STX8: variants seen among roughly 807,000 people sequenced by gnomAD.
The protein encoded by STX8 is syntaxin 8.
Under a neutral mutation model 37.5 loss-of-function variants are expected in STX8, and 23 were observed. That is an observed-to-expected ratio of 0.61 (90% CI 0.44 to 0.87). The LOEUF (loss-of-function observed/expected upper bound fraction) is 0.87, where lower values mean the gene tolerates loss of function less well. Among genes scored for constraint, STX8 ranks in the 40% least tolerant of loss-of-function variants. The pLI is 0.00. For synonymous variants in STX8, 115 were observed against 99.1 expected (o/e 1.16, Z -0.95); for missense variants, 313 against 284.7 (o/e 1.10, Z -0.71).
At chr17:9,383,365 A>G (rs1567805858) in intron 6 of STX8, among the ~76,000 whole-genome samples, 2 of 152,216 alleles carry the variant, frequency 1.3e-5, no homozygotes, top group Non-Finnish European at 2.9e-5. Context: ...AGACTCAAGG[A>G]GCTAATAGTA....
intron 7 of STX8, chr17:9,378,341 C>CA (rs1416104428): frequency 1.4e-5 from 7 of 483,864 alleles, no homozygotes; most frequent in Admixed American, 1.4e-4. Flanking sequence ...AAAACAACAA[C>CA]AAAAAAACAA....
chr17:9,521,346 C>T (rs1490401078), intron 4 of STX8, among the ~76,000 whole-genome samples: 2 of 152,166 alleles, frequency 1.3e-5, no homozygotes, highest in East Asian at 3.9e-4. Flanking sequence ...GATGAATAGA[C>T]TGGATATAGG....
At chr17:9,399,101 G>A (rs533239190) in intron 6 of STX8, among the ~76,000 whole-genome samples, 12 of 150,718 alleles carry the variant, frequency 8.0e-5, no homozygotes, top group African/African-American at 2.0e-4. Context: ...ATTCACATAC[G>A]GACAGAGAAA....
At chr17:9,453,312 C>G (rs1260282169) in intron 6 of STX8, among the ~76,000 whole-genome samples, 1 of 152,136 alleles carries the variant, frequency 6.6e-6, no homozygotes, top group Non-Finnish European at 1.5e-5. Flanking sequence ...ATAGTAATCT[C>G]ACCATCATTA....
chr17:9,295,913 A>G (rs572999612), intron 7 of STX8, among the ~76,000 whole-genome samples: 6 of 107,794 alleles, frequency 5.6e-5, no homozygotes, highest in South Asian at 4.9e-4. Flanking sequence ...AGGTGTGGCC[A>G]GGCGCAGTGG....
intron 4 of STX8, among the ~76,000 whole-genome samples, chr17:9,519,308 G>A (rs188936379): frequency 3.8e-4 from 57 of 151,968 alleles, no homozygotes; most frequent in African/African-American, 1.1e-3. Context: ...GCTTCTTCTC[G>A]TACGCTCTCT....
intron 4 of STX8, among the ~76,000 whole-genome samples, chr17:9,519,395 T>C (rs193249020): frequency 7.9e-5 from 12 of 151,846 alleles, no homozygotes; most frequent in Admixed American, 7.9e-4. Flanking sequence ...TCTAACCACA[T>C]CTCATCAACA....
intron 7 of STX8, among the ~76,000 whole-genome samples, chr17:9,338,010 T>G (rs1910192980): frequency 6.6e-6 from 1 of 151,020 alleles, no homozygotes; most frequent in South Asian, 2.1e-4. Context: ...CTGAGGAGTT[T>G]GGACTTTATT....
intron 6 of STX8, among the ~76,000 whole-genome samples, chr17:9,380,779 T>C (rs62067142): frequency 0.092 from 13,228 of 143,520 alleles, 806 homozygotes; most frequent in Middle Eastern, 0.19. Flanking sequence ...AGTGGTGTCA[T>C]AGCAGCTCAC....
At chr17:9,386,931 G>A (rs112985277) in intron 6 of STX8, among the ~76,000 whole-genome samples, 5,568 of 151,150 alleles carry the variant, frequency 0.037, 341 homozygotes, top group African/African-American at 0.13. Flanking sequence ...GTGCAGTGGC[G>A]CGATCTCAGC....
At chr17:9,265,521 G>A (rs1291015792) in intron 7 of STX8, among the ~76,000 whole-genome samples, 2 of 152,342 alleles carry the variant, frequency 1.3e-5, no homozygotes, top group South Asian at 2.1e-4. Context: ...CATTACTGGC[G>A]CTAGGCACTT....
At chr17:9,284,854 G>A (rs1015663687) in intron 7 of STX8, among the ~76,000 whole-genome samples, 1 of 152,118 alleles carries the variant, frequency 6.6e-6, no homozygotes, top group Non-Finnish European at 1.5e-5. Flanking sequence ...TCTAGGGGCC[G>A]AAACACGCAA....
At chr17:9,383,792 G>A (rs1186920270) in intron 6 of STX8, among the ~76,000 whole-genome samples, 1 of 151,950 alleles carries the variant, frequency 6.6e-6, no homozygotes, top group Non-Finnish European at 1.5e-5. Flanking sequence ...AATAGTAAAA[G>A]GCAATATATT....
intron 5 of STX8, among the ~76,000 whole-genome samples, chr17:9,497,302 A>T (rs561408576): frequency 1.3e-5 from 2 of 152,362 alleles, no homozygotes; most frequent in East Asian, 3.9e-4. Context: ...GGGAAACTTG[A>T]ATGCTGAGTA....
chr17:9,375,462 T>C (rs577542013), intron 7 of STX8, among the ~76,000 whole-genome samples: 1 of 152,338 alleles, frequency 6.6e-6, no homozygotes, highest in South Asian at 2.1e-4. Flanking sequence ...TGAGTTACTA[T>C]GTTGCAAACA....
At position 9,345,848 on chromosome 17, in the gene STX8, C is replaced by CTT. The variant is rs545020159; in HGVS notation, c.643+32702_643+32703dup. On this transcript the variant is annotated intron_variant, in intron 7 of 7. Transcript: ENST00000306357. Reference sequence around the variant, plus strand: ...CATTATACCTCCGGGTTATGCATTCCTTTTTTTTTTTTTTTTTTTTGAGAT... The same window carrying CTT: ...CATTATACCTCCGGGTTATGCATTCCTTTTTTTTTTTTTTTTTTTTTTGAGAT... Among the ~76,000 whole-genome samples, 213 of 52,060 alleles carry CTT rather than the reference C, an allele frequency of 4.1e-3. 18 individuals carry two copies. The highest frequency in any genetic ancestry group is 0.014 in the African/African-American group (204 of 14,616). The allele number at this position is 52,060 out of a possible 152,430, so 34.2% of individuals were successfully genotyped here.
chr17:9,390,358 C>T (rs969640434), intron 6 of STX8, among the ~76,000 whole-genome samples: 5 of 151,468 alleles, frequency 3.3e-5, no homozygotes, highest in Admixed American at 6.6e-5. Flanking sequence ...CCCGTCTCTA[C>T]TAAATATACA....
At chr17:9,539,386 C>T (rs1400246748) in intron 4 of STX8, among the ~76,000 whole-genome samples, 5 of 152,114 alleles carry the variant, frequency 3.3e-5, no homozygotes, top group Non-Finnish European at 5.9e-5. Context: ...GGAAGGGAGG[C>T]TCACCAGGTT....
chr17:9,524,138 T>C (rs1458875955), intron 4 of STX8, among the ~76,000 whole-genome samples: 1 of 152,206 alleles, frequency 6.6e-6, no homozygotes, highest in Non-Finnish European at 1.5e-5. Context: ...CGGACTGATA[T>C]GGAAATTACT....
Sources: allele counts gnomAD v4.1 joint callset (sites outside exome capture counted in the v4.1 genomes callset), GRCh38; gene constraint gnomAD v4.1.1; transcripts MANE v1.5; gene names NCBI Gene and HGNC (gene_info 2026-07-23, HGNC 2026-07-21).